The following ATXN1 variants were observed in gnomAD, a reference collection of about 807,000 sequenced individuals.
ATXN1 encodes ataxin 1.
Under a neutral mutation model 56.4 loss-of-function variants are expected in ATXN1, and 8 were observed. The observed-to-expected ratio is 0.14, with a 90% CI of 0.08 to 0.26. ATXN1 has a LOEUF of 0.26. ATXN1 is among the 10% of genes least tolerant of loss of function. The probability of loss-of-function intolerance (pLI) is 1.00; values close to 1 mark genes in which losing one functional copy is unlikely to be tolerated. For missense variants in ATXN1, 987 were observed against 1,106.5 expected, an observed-to-expected ratio of 0.89 and a Z score of 1.53; for synonymous variants, 514 against 494.6, an observed-to-expected ratio of 1.04 and a Z score of -0.52.
At position 16,612,056 on chromosome 6, in the gene ATXN1, T is replaced by C. The variant is rs560977669; in HGVS notation, c.-488-26149A>G. On this transcript the variant is annotated intron_variant, in intron 3 of 7. Coordinates refer to ENST00000436367, the MANE Select transcript of ATXN1 (RefSeq NM_001128164.2). Reference sequence around the variant, plus strand: ...TTGTATTTTTAGTAGAGACGGGGTTTCACCATGTTAGTCAGGACGGTCTCG... The same window carrying C: ...TTGTATTTTTAGTAGAGACGGGGTTCCACCATGTTAGTCAGGACGGTCTCG... Among the ~76,000 whole-genome samples, 52 of 152,048 alleles carry C rather than the reference T, an allele frequency of 3.4e-4. No individual in the cohort carries two copies. The Middle Eastern group carries it at 0.024, about 70-fold the overall frequency.
chr6:16,341,501 T>G (rs1049455880), intron 6 of ATXN1, among the ~76,000 whole-genome samples: 1 of 151,164 alleles, frequency 6.6e-6, no homozygotes, highest in African/African-American at 2.4e-5. Context: ...GGTGAGAACC[T>G]CTGGTATAGA....
intron 2 of ATXN1, among the ~76,000 whole-genome samples, chr6:16,727,012 A>C (rs1407985528): frequency 6.6e-6 from 1 of 152,186 alleles, no homozygotes; most frequent in Admixed American, 6.5e-5. Context: ...TTTTCCAGAA[A>C]GTCATCACAG....
intron 2 of ATXN1, among the ~76,000 whole-genome samples, chr6:16,744,467 T>G (rs1287167207): frequency 1.3e-5 from 2 of 151,908 alleles, no homozygotes; most frequent in African/African-American, 4.8e-5. Flanking sequence ...TAGGCCCTAG[T>G]CAGGGAGGCT....
chr6:16,696,111 C>T (rs530059312), intron 2 of ATXN1, among the ~76,000 whole-genome samples: 6 of 152,302 alleles, frequency 3.9e-5, no homozygotes, highest in Admixed American at 2.0e-4. Context: ...CTCTCTTAGC[C>T]TTCACCACTC....
chr6:16,368,251 G>T (rs1271965667), intron 6 of ATXN1, among the ~76,000 whole-genome samples: 1 of 151,474 alleles, frequency 6.6e-6, no homozygotes, highest in Non-Finnish European at 1.5e-5. Flanking sequence ...AGCCTGTGCA[G>T]TGACCATAAT....
At chr6:16,715,480 G>T (rs1234664231) in intron 2 of ATXN1, among the ~76,000 whole-genome samples, 4 of 152,144 alleles carry the variant, frequency 2.6e-5, no homozygotes, top group African/African-American at 4.8e-5. Flanking sequence ...CAAAAATGTT[G>T]CAGACTTCAG....
intron 3 of ATXN1, among the ~76,000 whole-genome samples, chr6:16,598,662 A>G (rs1762860673): frequency 6.6e-6 from 1 of 152,190 alleles, no homozygotes; most frequent in Non-Finnish European, 1.5e-5. Flanking sequence ...AGTAAGGACA[A>G]CTCAAGGATG....
chr6:16,730,487 G>GTGTGTATATATATATA (rs141836403), intron 2 of ATXN1, among the ~76,000 whole-genome samples: 4 of 132,052 alleles, frequency 3.0e-5, no homozygotes, highest in Non-Finnish European at 6.6e-5. Context: ...AAAACAGTAT[G>GTGTGTATATATATATA]TATATATATA....
intron 2 of ATXN1, among the ~76,000 whole-genome samples, chr6:16,687,288 C>T (rs547067330): frequency 4.5e-4 from 68 of 152,186 alleles, no homozygotes; most frequent in Middle Eastern, 3.4e-3. Context: ...TGATATATAT[C>T]GGGTGATGAC....
intron 3 of ATXN1, among the ~76,000 whole-genome samples, chr6:16,655,846 T>C (rs1174018604): frequency 6.6e-6 from 1 of 151,920 alleles, no homozygotes; most frequent in Admixed American, 6.6e-5. Context: ...TCCCAGCACT[T>C]TGGGAGGCTG....
At chr6:16,399,751 TC>T (rs1758530275) in intron 6 of ATXN1, among the ~76,000 whole-genome samples, 1 of 152,028 alleles carries the variant, frequency 6.6e-6, no homozygotes, top group South Asian at 2.1e-4. Context: ...CTGCTAAATT[TC>T]TCCCAATGCA....
At chr6:16,519,949 G>A (rs1030850954) in intron 5 of ATXN1, among the ~76,000 whole-genome samples, 4 of 152,332 alleles carry the variant, frequency 2.6e-5, no homozygotes, top group Middle Eastern at 6.8e-3. Context: ...AGAGGATAAG[G>A]TGGGAAATAA....
At chr6:16,466,366 A>AG (rs147353633) in intron 6 of ATXN1, among the ~76,000 whole-genome samples, 3,396 of 142,918 alleles carry the variant, frequency 0.024, 80 homozygotes, top group African/African-American at 0.056. Context: ...AAATGTCAGG[A>AG]GGGAACCCAA....
intron 6 of ATXN1, among the ~76,000 whole-genome samples, chr6:16,337,804 T>C (rs1367123920): frequency 6.6e-6 from 1 of 152,182 alleles, no homozygotes; most frequent in Non-Finnish European, 1.5e-5. Flanking sequence ...CCAGACTAAC[T>C]TGTTTCAAAG....
At chr6:16,644,563 G>GGT (rs113345902) in intron 3 of ATXN1, among the ~76,000 whole-genome samples, 3,740 of 142,714 alleles carry the variant, frequency 0.026, 60 homozygotes, top group Admixed American at 0.032. Flanking sequence ...TAAATTTTAT[G>GGT]GTGTGTGTGT....
intron 6 of ATXN1, among the ~76,000 whole-genome samples, chr6:16,357,522 G>T (rs752654709): frequency 3.9e-5 from 6 of 152,130 alleles, no homozygotes; most frequent in African/African-American, 1.4e-4. Context: ...CACCCACATC[G>T]GCCTCCCAAA....
At chr6:16,713,077 G>A (rs1150625) in intron 2 of ATXN1, among the ~76,000 whole-genome samples, 85,591 of 152,040 alleles carry the variant, frequency 0.56, 24,424 homozygotes, top group South Asian at 0.68. Flanking sequence ...TCCTCTCTGA[G>A]TCATCCCTTC....
chr6:16,449,969 C>T (rs2113610931), intron 6 of ATXN1, among the ~76,000 whole-genome samples: 1 of 152,260 alleles, frequency 6.6e-6, no homozygotes, highest in Non-Finnish European at 1.5e-5. Context: ...CTTCATTGTT[C>T]TTTCTTCTTG....
chr6:16,618,063 A>T (rs1034075635), intron 3 of ATXN1, among the ~76,000 whole-genome samples: 1 of 152,032 alleles, frequency 6.6e-6, no homozygotes, highest in African/African-American at 2.4e-5. Flanking sequence ...AAAAAAAAAA[A>T]TTAAAAAAAA....
Sources: gnomAD v4.1 joint callset for allele counts (sites outside exome capture counted in the v4.1 genomes callset) on GRCh38, gnomAD v4.1.1 for gene constraint, MANE v1.5 for transcripts, NCBI Gene and HGNC (gene_info 2026-07-23, HGNC 2026-07-21) for gene names.